The following H2BC18 variants were observed in gnomAD, a reference collection of about 807,000 sequenced individuals.
H2BC18 encodes H2B clustered histone 18.
Under a neutral mutation model 6.3 loss-of-function variants are expected in H2BC18, and 8 were observed. That is an observed-to-expected ratio of 1.28 (90% CI 0.75 to 2.31). The LOEUF (loss-of-function observed/expected upper bound fraction) is 2.31. Among genes scored for constraint, H2BC18 ranks in the 30% most tolerant of loss-of-function variants. The probability of loss-of-function intolerance (pLI) is 0.00; values close to 1 mark genes in which losing one functional copy is unlikely to be tolerated. For synonymous variants in H2BC18, 104 were observed against 78.1 expected (o/e 1.33, Z -1.75); for missense variants, 106 against 174.5 (o/e 0.61, Z 2.21).
In H2BC18 at chr1:149,792,291, G is replaced by C. The variant is rs587719475; in HGVS notation, c.378-9031C>G. On this transcript the variant is annotated intron_variant, in intron 1 of 1. Coordinates refer to the H2BC18 transcript ENST00000545683. ...ACTGCAAAGAGACGCTTCAAGTGGGGAGAAGCGGCGATACCATAGAGTCCA... is the reference window on the plus strand; with the variant it reads ...ACTGCAAAGAGACGCTTCAAGTGGGCAGAAGCGGCGATACCATAGAGTCCA... 2.2e-5 allele frequency: 5 copies of C among 223,346 alleles called. No homozygotes were observed. The South Asian group carries it at 3.4e-4, about 15-fold the overall frequency. The allele number at this position is 223,346 out of a possible 1,614,324, so 13.8% of individuals were successfully genotyped here. A position where few individuals can be genotyped will look rare whatever the true frequency, so the allele number is the denominator to read the frequency against.
At chr1:149,786,696 A>G (rs1236157762) in intron 1 of H2BC18, 5 of 152,216 alleles carry the variant, frequency 3.3e-5, no homozygotes, top group African/African-American at 7.2e-5. Context: ...TAAAAGCTGC[A>G]TCTCGTGAGT....
intron 1 of H2BC18, chr1:149,793,864 G>A (rs1260736255): frequency 1.5e-5 from 19 of 1,279,836 alleles, no homozygotes; most frequent in Non-Finnish European, 1.9e-5. Context: ...CAGACCAACC[G>A]GTTTGGGGTA....
In H2BC18 at chr1:149,790,924, GA is replaced by G. The variant is rs1369604872; in HGVS notation, c.378-7665del. Among the ~76,000 whole-genome samples the G allele has an allele frequency of 1.1e-4, 16 of 151,184 alleles. No individual in the cohort carries two copies. The East Asian group carries it at 2.5e-3, about 24-fold the overall frequency. On this transcript the variant is annotated intron_variant, in intron 1 of 1. Transcript: ENST00000545683. ...TCTAGAACAAAGTCTCCTTGGGGGG[GA>G]AAAAAGTTCATCTTCAACCCAAATT... is the stretch of plus-strand genomic sequence containing the variant.
At chr1:149,785,139 A>G (rs1242169759) in intron 1 of H2BC18, among the ~76,000 whole-genome samples, 1 of 152,216 alleles carries the variant, frequency 6.6e-6, no homozygotes, top group East Asian at 1.9e-4. Context: ...TGCTTCATTC[A>G]ATATGCAAGA....
In H2BC18 at chr1:149,800,810, A is replaced by G. The variant is rs587761132; in HGVS notation, c.377+11137T>C. Among the ~76,000 whole-genome samples the G allele has an allele frequency of 2.6e-5, 4 of 151,736 alleles. No homozygotes were observed. The East Asian group carries it at 7.8e-4, about 29-fold the overall frequency. Reference sequence around the variant, plus strand: ...GTCAAAGATGTCAGTCACCAGCCAGACATGGTGGTTCACACCTGTAAACCC... The same window carrying G: ...GTCAAAGATGTCAGTCACCAGCCAGGCATGGTGGTTCACACCTGTAAACCC... On this transcript the variant is annotated intron_variant, in intron 1 of 1. Coordinates refer to the H2BC18 transcript ENST00000545683.
chr1:149,793,207 A>G, intron 1 of H2BC18: 1 of 1,277,246 alleles, frequency 7.8e-7, no homozygotes, highest in African/African-American at 1.6e-5. Flanking sequence ...CAGGCGCCCC[A>G]TTTTCTTGGC....
intron 1 of H2BC18, among the ~76,000 whole-genome samples, chr1:149,802,824 G>A (rs1412454104): frequency 6.6e-6 from 1 of 152,130 alleles, no homozygotes; most frequent in Non-Finnish European, 1.5e-5. Flanking sequence ...AAGGCAGGAG[G>A]AATGGATGGA....
At chr1:149,805,566 G>A (rs1472324188) in intron 1 of H2BC18, 1 of 151,998 alleles carries the variant, frequency 6.6e-6, no homozygotes, top group East Asian at 1.9e-4. Flanking sequence ...CTAATTTAGA[G>A]GGCAAAAGAT....
intron 1 of H2BC18, among the ~76,000 whole-genome samples, chr1:149,800,565 A>G (rs1316175334): frequency 1.4e-5 from 2 of 142,526 alleles, no homozygotes; most frequent in African/African-American, 5.3e-5. Flanking sequence ...TAGGAGTTGT[A>G]TGTCAGGAAA....
At position 149,793,996 on chromosome 1, in the gene H2BC18, C is replaced by T. The variant is rs587737553; in HGVS notation, c.378-10736G>A. On this transcript the variant is annotated intron_variant, in intron 1 of 1. Transcript: ENST00000545683. ...TGCCCAGCGATTCCAGCCCTGAGAACCAGACAGAATGGAGGTATAGCTGAC... is the reference window on the plus strand; with the variant it reads ...TGCCCAGCGATTCCAGCCCTGAGAATCAGACAGAATGGAGGTATAGCTGAC... The T allele has an allele frequency of 2.8e-4, 249 of 884,716 alleles. 6 individuals are homozygous for T. The African/African-American group carries it at 3.9e-3, about 14-fold the overall frequency. The allele number at this position is 884,716 out of a possible 1,614,324, so 54.8% of individuals were successfully genotyped here. A position where few individuals can be genotyped will look rare whatever the true frequency, so the allele number is the denominator to read the frequency against.
chr1:149,786,720 A>G (rs1355287018), intron 1 of H2BC18: 1 of 152,208 alleles, frequency 6.6e-6, no homozygotes, highest in African/African-American at 2.4e-5. Flanking sequence ...GATATATAAT[A>G]CTACCATTAC....
intron 1 of H2BC18, among the ~76,000 whole-genome samples, chr1:149,803,323 T>C (rs148013225): frequency 0.15 from 23,201 of 152,060 alleles, 2,339 homozygotes; most frequent in African/African-American, 0.28. Flanking sequence ...ATTCTATTCC[T>C]AGGTGTTTAA....
downstream of H2BC18, chr1:149,810,803 C>T (rs1257590167): frequency 6.6e-6 from 1 of 152,090 alleles, no homozygotes; most frequent in Non-Finnish European, 1.5e-5. Flanking sequence ...ACATGAGGAC[C>T]CAACACCTAT....
At chr1:149,804,968 C>A (rs2101483257) in intron 1 of H2BC18, among the ~76,000 whole-genome samples, 1 of 152,188 alleles carries the variant, frequency 6.6e-6, no homozygotes, top group East Asian at 1.9e-4. Context: ...ATTACAGATA[C>A]AGCTCTGAAC....
chr1:149,793,249 C>T, intron 1 of H2BC18: 2 of 1,253,286 alleles, frequency 1.6e-6, no homozygotes, highest in Non-Finnish European at 2.1e-6. Flanking sequence ...GCGGCGGCGG[C>T]AGGGAGGGAG....
chr1:149,800,949 G>A (rs2091862082), intron 1 of H2BC18, among the ~76,000 whole-genome samples: 1 of 152,208 alleles, frequency 6.6e-6, no homozygotes, highest in Non-Finnish European at 1.5e-5. Flanking sequence ...AGCTGGTTGT[G>A]GTGGTACATG....
chr1:149,791,600 G>A, intron 1 of H2BC18: 1 of 1,553,122 alleles, frequency 6.4e-7, no homozygotes, highest in Non-Finnish European at 8.7e-7. Flanking sequence ...ACATCCAAAA[G>A]TTCAACAACA....
At chr1:149,784,413 A>C (rs1201332885) in intron 1 of H2BC18, among the ~76,000 whole-genome samples, 2 of 152,104 alleles carry the variant, frequency 1.3e-5, no homozygotes. Context: ...TACTCAAAAC[A>C]TCACAGCAGG....
intron 1 of H2BC18, among the ~76,000 whole-genome samples, chr1:149,784,490 C>T (rs2091486604): frequency 6.6e-6 from 1 of 152,060 alleles, no homozygotes; most frequent in Non-Finnish European, 1.5e-5. Context: ...TAGAGTAAGA[C>T]TTAGGCCCTA....
Sources: allele counts gnomAD v4.1 joint callset (sites outside exome capture counted in the v4.1 genomes callset), GRCh38; gene constraint gnomAD v4.1.1; transcripts MANE v1.5; gene names NCBI Gene and HGNC (gene_info 2026-07-23, HGNC 2026-07-21).